Variants in LRRC4C observed in about 807,000 individuals in gnomAD.
The protein encoded by LRRC4C is leucine-rich repeat-containing protein 4C.
Under a neutral mutation model 33.6 loss-of-function variants are expected in LRRC4C, and 5 were observed. The observed-to-expected ratio is 0.15, with a 90% CI of 0.08 to 0.31. The LOEUF is 0.31. Ranked by LOEUF, LRRC4C falls within the 10% of genes least tolerant of loss-of-function variation. LRRC4C has a pLI of 1.00. For missense variants in LRRC4C, 560 were observed against 796.7 expected, an observed-to-expected ratio of 0.70 and a Z score of 3.58; for synonymous variants, 329 against 302.0, an observed-to-expected ratio of 1.09 and a Z score of -0.93.
chr11:41,322,983 G>A (rs1206507806), intron 1 of LRRC4C, among the ~76,000 whole-genome samples: 2 of 152,102 alleles, frequency 1.3e-5, no homozygotes, highest in African/African-American at 2.4e-5. Context: ...TAACCACAAA[G>A]AGGGTCTGAG....
At chr11:40,572,578 C>CAGG (rs1282136740) in intron 3 of LRRC4C, among the ~76,000 whole-genome samples, 1 of 152,150 alleles carries the variant, frequency 6.6e-6, no homozygotes, top group Non-Finnish European at 1.5e-5. Context: ...AGTCATAATA[C>CAGG]AGGAGCACAT....
At chr11:41,063,218 G>T (rs72890344) in intron 1 of LRRC4C, among the ~76,000 whole-genome samples, 2 of 152,230 alleles carry the variant, frequency 1.3e-5, no homozygotes, top group Non-Finnish European at 2.9e-5. Context: ...TAGCATGAGA[G>T]AAAACTATAC....
chr11:40,730,909 G>A (rs1005884029), intron 2 of LRRC4C, among the ~76,000 whole-genome samples: 3 of 152,162 alleles, frequency 2.0e-5, no homozygotes, highest in Non-Finnish European at 4.4e-5. Flanking sequence ...GTTGAAATGT[G>A]ATCCCCAGTG....
intron 1 of LRRC4C, among the ~76,000 whole-genome samples, chr11:41,380,033 A>T (rs1953085415): frequency 6.6e-6 from 1 of 152,032 alleles, no homozygotes; most frequent in African/African-American, 2.4e-5. Context: ...ACCTCAGAAG[A>T]TAAGATAAGT....
intron 2 of LRRC4C, among the ~76,000 whole-genome samples, chr11:40,759,485 A>T (rs1949097796): frequency 1.3e-5 from 2 of 151,902 alleles, no homozygotes; most frequent in Admixed American, 1.3e-4. Context: ...TTCTAAGTAC[A>T]TGGGAGATAT....
intron 3 of LRRC4C, among the ~76,000 whole-genome samples, chr11:40,376,983 A>C (rs1014911068): frequency 6.6e-6 from 1 of 152,112 alleles, no homozygotes; most frequent in Admixed American, 6.6e-5. Flanking sequence ...ACCTGTAACC[A>C]CTGGATATAC....
intron 1 of LRRC4C, among the ~76,000 whole-genome samples, chr11:41,394,149 G>A (rs1489854222): frequency 6.6e-6 from 1 of 151,914 alleles, no homozygotes; most frequent in Non-Finnish European, 1.5e-5. Context: ...CAAAGTCCTT[G>A]CTTCCTTATC....
In LRRC4C at chr11:40,487,546, TAG is replaced by T. The variant is rs1411307990; in HGVS notation, c.-270+160594_-270+160595del. Among the ~76,000 whole-genome samples the T allele has an allele frequency of 6.6e-5, 10 of 151,922 alleles. No homozygotes were observed. The East Asian group carries it at 1.6e-3, about 24-fold the overall frequency. ...CTAGAATCATAGGTATTGTGAAGAG[TAG>T]AGAGAAAAAAATTCCATGATGCATT... is the stretch of plus-strand genomic sequence containing the variant. On this transcript the variant is annotated intron_variant, in intron 3 of 6. Coordinates refer to ENST00000528697, the MANE Select transcript of LRRC4C (RefSeq NM_001258419.2).
At chr11:40,592,110 AG>A (rs772355705) in intron 3 of LRRC4C, among the ~76,000 whole-genome samples, 1 of 152,266 alleles carries the variant, frequency 6.6e-6, no homozygotes, top group Non-Finnish European at 1.5e-5. Flanking sequence ...GCTGGATGAA[AG>A]TACAATGATG....
At chr11:41,398,156 A>G (rs1472790711) in intron 1 of LRRC4C, among the ~76,000 whole-genome samples, 2 of 151,982 alleles carry the variant, frequency 1.3e-5, no homozygotes, top group Non-Finnish European at 2.9e-5. Flanking sequence ...CTAAATAAAA[A>G]CAACAAATGC....
intron 1 of LRRC4C, among the ~76,000 whole-genome samples, chr11:41,423,682 G>T (rs1954944872): frequency 6.6e-6 from 1 of 152,050 alleles, no homozygotes; most frequent in African/African-American, 2.4e-5. Context: ...AAACATCTCA[G>T]AACAGTCCAT....
intron 5 of LRRC4C, among the ~76,000 whole-genome samples, chr11:40,211,107 C>A (rs1038547507): frequency 6.6e-6 from 1 of 152,306 alleles, no homozygotes; most frequent in South Asian, 2.1e-4. Flanking sequence ...ATGCAACATA[C>A]TCAAGTACCT....
intron 5 of LRRC4C, among the ~76,000 whole-genome samples, chr11:40,237,560 A>G (rs1865651656): frequency 6.6e-6 from 1 of 152,194 alleles, no homozygotes; most frequent in Non-Finnish European, 1.5e-5. Context: ...TGTTTGGTAT[A>G]CGTTGGCACC....
At chr11:40,836,751 T>A (rs2135591961) in intron 2 of LRRC4C, among the ~76,000 whole-genome samples, 1 of 152,272 alleles carries the variant, frequency 6.6e-6, no homozygotes, top group African/African-American at 2.4e-5. Flanking sequence ...TTACCTCCCC[T>A]TGTTCTAAAA....
intron 5 of LRRC4C, among the ~76,000 whole-genome samples, chr11:40,160,919 C>G (rs568877444): frequency 1.3e-5 from 2 of 152,186 alleles, no homozygotes; most frequent in Non-Finnish European, 2.9e-5. Context: ...CAGCCACGTC[C>G]ATGCCTCAGT....
chr11:41,242,785 T>C (rs1465497647), intron 1 of LRRC4C, among the ~76,000 whole-genome samples: 3 of 152,168 alleles, frequency 2.0e-5, no homozygotes, highest in African/African-American at 7.2e-5. Flanking sequence ...ATCTCTATCA[T>C]ATAGTTCACC....
chr11:41,440,461 C>A (rs1955579907), intron 1 of LRRC4C, among the ~76,000 whole-genome samples: 1 of 151,888 alleles, frequency 6.6e-6, no homozygotes, highest in African/African-American at 2.4e-5. Flanking sequence ...TTAATTTTCT[C>A]AGCATCAAGA....
At chr11:40,920,666 A>C (rs552137842) in intron 2 of LRRC4C, among the ~76,000 whole-genome samples, 1 of 152,124 alleles carries the variant, frequency 6.6e-6, no homozygotes, top group Non-Finnish European at 1.5e-5. Context: ...TGATGACTCA[A>C]TTCACCCATT....
intron 2 of LRRC4C, among the ~76,000 whole-genome samples, chr11:40,710,558 T>A (rs1393771493): frequency 6.6e-6 from 1 of 152,158 alleles, no homozygotes; most frequent in Non-Finnish European, 1.5e-5. Flanking sequence ...ACAGCAAATA[T>A]TGCTGCCTAA....
Sources: allele counts gnomAD v4.1 joint callset (sites outside exome capture counted in the v4.1 genomes callset), GRCh38; gene constraint gnomAD v4.1.1; transcripts MANE v1.5; gene names NCBI Gene and HGNC (gene_info 2026-07-23, HGNC 2026-07-21).